The following TMEM132C variants were observed in gnomAD, a reference collection of about 807,000 sequenced individuals.
The protein encoded by TMEM132C is transmembrane protein 132C, also known as protein phosphatase 1, regulatory subunit 152.
TMEM132C carries 29 observed loss-of-function variants against 61.4 expected under a neutral mutation model. The observed-to-expected ratio is 0.47, with a 90% confidence interval of 0.35 to 0.64. The LOEUF (loss-of-function observed/expected upper bound fraction) is 0.64. Among genes scored for constraint, TMEM132C ranks in the 30% least tolerant of loss-of-function variants. The probability of loss-of-function intolerance (pLI) is 0.00; values close to 1 mark genes in which losing one functional copy is unlikely to be tolerated. For synonymous variants in TMEM132C, 656 were observed against 633.1 expected (o/e 1.04, Z -0.54); for missense variants, 1,408 against 1,476.9 (o/e 0.95, Z 0.76).
intron 2 of TMEM132C, among the ~76,000 whole-genome samples, chr12:128,533,498 G>A (rs745744914): frequency 3.7e-4 from 56 of 152,232 alleles, no homozygotes; most frequent in South Asian, 1.7e-3. Context: ...CAGGGTGTTG[G>A]CAGGGTTGAT....
intron 3 of TMEM132C, among the ~76,000 whole-genome samples, chr12:128,601,664 T>G (rs1876192886): frequency 6.7e-6 from 1 of 148,800 alleles, no homozygotes; most frequent in African/African-American, 2.4e-5. Flanking sequence ...TGGAGGGCGC[T>G]TGGCGGGTTG....
At chr12:128,584,349 A>G (rs1389043121) in intron 3 of TMEM132C, among the ~76,000 whole-genome samples, 1 of 152,184 alleles carries the variant, frequency 6.6e-6, no homozygotes, top group Non-Finnish European at 1.5e-5. Context: ...CACCTCCTCC[A>G]GGAAGCCCCC....
In TMEM132C at chr12:128,649,457, G is replaced by A. The variant is rs75407563; in HGVS notation, c.1306-19960G>A. On this transcript the variant is annotated intron_variant, in intron 4 of 8. Transcript: ENST00000435159. Reference sequence around the variant, plus strand: ...AGACGTTTCCCTGTGGCTCAGGACAGAGAAGAGGTCCAGGTGTGGATGCAC... The same window carrying A: ...AGACGTTTCCCTGTGGCTCAGGACAAAGAAGAGGTCCAGGTGTGGATGCAC... Among the ~76,000 whole-genome samples the A allele has an allele frequency of 2.1e-3, 320 of 152,346 alleles. 2 individuals are homozygous for A. The highest frequency in any genetic ancestry group is 7.1e-3 in the African/African-American group (296 of 41,582).
rs75092087 is a variant in TMEM132C at position 128,433,595 on chromosome 12, A to T, written c.974+17975A>T. ...CAAAAAATTAGATAAGTTTTCCTAA[A>T]CTGGAGGTAAAATGAAAAAGAGTGT... On this transcript the variant is annotated intron_variant, in intron 2 of 8. Transcript: ENST00000435159. Among the ~76,000 whole-genome samples the T allele has an allele frequency of 4.1e-3, 632 of 152,314 alleles. 7 individuals carry two copies. The highest frequency in any genetic ancestry group is 0.014 in the African/African-American group (590 of 41,564).
chr12:128,321,138 AAATAATAAT>A (rs58166037), intron 1 of TMEM132C, among the ~76,000 whole-genome samples: 2,103 of 143,756 alleles, frequency 0.015, 51 homozygotes, highest in African/African-American at 0.048. Flanking sequence ...CATTTTTGAA[AAATAATAAT>A]AATAATAATA....
chr12:128,286,814 G>A (rs1211275987), intron 1 of TMEM132C, among the ~76,000 whole-genome samples: 2 of 152,124 alleles, frequency 1.3e-5, no homozygotes, highest in African/African-American at 4.8e-5. Flanking sequence ...AAGAAGGGAC[G>A]TGTTGGTACC....
Position 128,465,469 on chromosome 12 carries a change from A to G in TMEM132C, c.974+49849A>G, listed in dbSNP as rs112157601. On this transcript the variant is annotated intron_variant, in intron 2 of 8. Coordinates refer to ENST00000435159, the MANE Select transcript of TMEM132C (RefSeq NM_001136103.3). ...ACCTGCCTCGACCTCCCAAAGTGCTATGGTTACAGGCATGAGCCACCACAC... is the reference window on the plus strand; with the variant it reads ...ACCTGCCTCGACCTCCCAAAGTGCTGTGGTTACAGGCATGAGCCACCACAC... 8.1e-3 allele frequency among the ~76,000 whole-genome samples: 1,237 copies of G among 152,168 alleles called. 10 individuals carry two copies. The highest frequency in any genetic ancestry group is 0.011 in the Non-Finnish European group (754 of 67,982).
intron 3 of TMEM132C, among the ~76,000 whole-genome samples, chr12:128,574,880 A>C (rs1047932482): frequency 6.6e-6 from 1 of 152,168 alleles, no homozygotes; most frequent in Admixed American, 6.5e-5. Flanking sequence ...GCCTCTTCAC[A>C]TATTTCCATT....
chr12:128,485,524 C>G (rs1421759776), intron 2 of TMEM132C, among the ~76,000 whole-genome samples: 1 of 152,034 alleles, frequency 6.6e-6, no homozygotes, highest in Admixed American at 6.6e-5. Flanking sequence ...GATATTTCCC[C>G]TAACCCTTGC....
chr12:128,313,839 C>T (rs1872057209), intron 1 of TMEM132C, among the ~76,000 whole-genome samples: 2 of 152,232 alleles, frequency 1.3e-5, no homozygotes, highest in Middle Eastern at 3.4e-3. Flanking sequence ...GGATCAAGTC[C>T]GTTATAACTA....
chr12:128,449,267 G>T (rs950571554), intron 2 of TMEM132C, among the ~76,000 whole-genome samples: 2 of 151,968 alleles, frequency 1.3e-5, no homozygotes, highest in Non-Finnish European at 2.9e-5. Flanking sequence ...AGGCTGCTCT[G>T]GGGGGCATGT....
At chr12:128,541,159 G>A (rs1478645192) in intron 2 of TMEM132C, among the ~76,000 whole-genome samples, 1 of 152,060 alleles carries the variant, frequency 6.6e-6, no homozygotes, top group Non-Finnish European at 1.5e-5. Flanking sequence ...TATGTTGACT[G>A]GTTTATTAAA....
intron 1 of TMEM132C, among the ~76,000 whole-genome samples, chr12:128,314,526 C>T (rs1872083039): frequency 6.6e-6 from 1 of 152,150 alleles, no homozygotes; most frequent in African/African-American, 2.4e-5. Flanking sequence ...ACCCAGAACC[C>T]CAGAGTGTCA....
chr12:128,521,072 C>T (rs1872889791), intron 2 of TMEM132C, among the ~76,000 whole-genome samples: 1 of 152,068 alleles, frequency 6.6e-6, no homozygotes, highest in Admixed American at 6.5e-5. Flanking sequence ...CGTTTCTCTC[C>T]TCTTTCTTTA....
chr12:128,473,501 C>G (rs1258829153), intron 2 of TMEM132C, among the ~76,000 whole-genome samples: 560 of 149,910 alleles, frequency 3.7e-3, no homozygotes, highest in South Asian at 0.023. Context: ...TTCATCCTTA[C>G]TCCAGCCTCC....
At position 128,315,211 on chromosome 12, in the gene TMEM132C, AGAGAGCTTG is replaced by A. The variant is rs1396350543; in HGVS notation, c.85+47728_85+47736del. Among the ~76,000 whole-genome samples the A allele has an allele frequency of 9.8e-5, 15 of 152,302 alleles. No individual in the cohort carries two copies. In the East Asian group the frequency reaches 2.3e-3, roughly 24 times the overall value. ...CAGGCATGTGAAAGTCCGAGGTACAAGAGAGCTTGGAGCTTTCACAAACAGAAAGAAGCC... is the reference window on the plus strand; with the variant it reads ...CAGGCATGTGAAAGTCCGAGGTACAAGAGCTTTCACAAACAGAAAGAAGCC... On this transcript the variant is annotated intron_variant, in intron 1 of 8. Transcript: ENST00000435159.
intron 2 of TMEM132C, among the ~76,000 whole-genome samples, chr12:128,505,754 G>A (rs1184906421): frequency 6.6e-6 from 1 of 152,186 alleles, no homozygotes; most frequent in African/African-American, 2.4e-5. Context: ...TGTCAATTGA[G>A]TGATGAACTG....
At chr12:128,443,287 G>A (rs75740880) in intron 2 of TMEM132C, among the ~76,000 whole-genome samples, 19,637 of 151,980 alleles carry the variant, frequency 0.13, 1,813 homozygotes, top group African/African-American at 0.25. Context: ...TGGGAGGTAG[G>A]TGAGGGACAA....
intron 1 of TMEM132C, among the ~76,000 whole-genome samples, chr12:128,328,412 C>T (rs139095164): frequency 3.3e-5 from 5 of 152,300 alleles, no homozygotes; most frequent in African/African-American, 1.2e-4. Flanking sequence ...TTACATCAAA[C>T]AGAGGGCAGG....
Sources: allele counts gnomAD v4.1 joint callset (sites outside exome capture counted in the v4.1 genomes callset), GRCh38; gene constraint gnomAD v4.1.1; transcripts MANE v1.5; gene names NCBI Gene and HGNC (gene_info 2026-07-23, HGNC 2026-07-21).